Variants in PKP2 observed in about 807,000 individuals in gnomAD.
The protein encoded by PKP2 is plakophilin 2.
A neutral mutation model predicts 83.4 loss-of-function variants in PKP2; 73 were observed. The ratio of observed to expected loss-of-function variants is 0.88; its 90% CI spans 0.72 to 1.06. PKP2 has a LOEUF of 1.06. PKP2 is among the 50% of genes least tolerant of loss of function. The pLI is 0.00. For synonymous variants in PKP2, 409 were observed against 430.4 expected, an observed-to-expected ratio of 0.95 and a Z score of 0.62; for missense variants, 966 against 1,065.4, an observed-to-expected ratio of 0.91 and a Z score of 1.30.
intron 3 of PKP2, 145 bp downstream of exon 3, chr12:32,877,701 G>A: frequency 2.8e-6 from 2 of 719,660 alleles, no homozygotes; most frequent in African/African-American, 3.5e-5. Context: ...TGTCAATTAG[G>A]CAGCTGCCTG....
chr12:32,830,778 T>G (rs1362187450), intron 6 of PKP2, among the ~76,000 whole-genome samples: 2 of 152,020 alleles, frequency 1.3e-5, no homozygotes, highest in Non-Finnish European at 2.9e-5. Flanking sequence ...TAGTAGCGCA[T>G]GCCTGTAATC....
rs143846263 is a variant in PKP2, at chr12:32,882,365, C to A, written c.224-3333G>T. 2.7e-3 allele frequency among the ~76,000 whole-genome samples: 414 copies of A among 152,204 alleles called. 1 individual carries two copies. The highest frequency in any genetic ancestry group is 9.6e-3 in the African/African-American group (399 of 41,516). Reference sequence around the variant, plus strand: ...GGCAATTTTAGGAATTCAAGAAAAACTCTGTAAATCAGCCCCTTTAGCCCA... The same window carrying A: ...GGCAATTTTAGGAATTCAAGAAAAAATCTGTAAATCAGCCCCTTTAGCCCA... On this transcript the variant is annotated intron_variant, in intron 1 of 12. Transcript: ENST00000340811.
At chr12:32,881,983 C>T (rs571337910) in intron 1 of PKP2, among the ~76,000 whole-genome samples, 129 of 152,170 alleles carry the variant, frequency 8.5e-4, no homozygotes, top group African/African-American at 2.9e-3. Flanking sequence ...CTGAAGAGTC[C>T]GGGGGCCAGA....
chr12:32,845,477 G>A (rs1321817250), intron 5 of PKP2, among the ~76,000 whole-genome samples: 4 of 152,094 alleles, frequency 2.6e-5, no homozygotes, highest in Non-Finnish European at 5.9e-5. Context: ...GCGTGAACCC[G>A]GGAGGCGGAG....
chr12:32,883,969 T>C (rs1340182893), intron 1 of PKP2, among the ~76,000 whole-genome samples: 1 of 152,154 alleles, frequency 6.6e-6, no homozygotes. Flanking sequence ...GCAGACCATA[T>C]AAAATCAAGC....
chr12:32,821,962 T>A (rs1438083638), intron 8 of PKP2: 1 of 243,232 alleles, frequency 4.1e-6, no homozygotes, highest in African/African-American at 2.3e-5. Context: ...ACCACGATAC[T>A]CAGAGAAGGA....
intron 10 of PKP2, among the ~76,000 whole-genome samples, chr12:32,800,563 C>A (rs1956169873): frequency 6.6e-6 from 1 of 152,156 alleles, no homozygotes; most frequent in South Asian, 2.1e-4. Context: ...AGCTCTATGG[C>A]CTGAGCAAGC....
Position 32,888,651 on chromosome 12 carries a change from A to G in PKP2, c.223+7858T>C, listed in dbSNP as rs1323285681. On this transcript the variant is annotated intron_variant, in intron 1 of 12. Coordinates refer to ENST00000340811, the MANE Select transcript of PKP2 (RefSeq NM_001005242.3). ...ATTACAGGCATGCGCCACCACGCCC[A>G]GCTTATTTTTTCTGTACTTTTAGTA... Among the ~76,000 whole-genome samples the G allele has an allele frequency of 3.1e-5, 3 of 95,880 alleles. No homozygotes were observed. In the East Asian group the frequency reaches 6.8e-4, roughly 22 times the overall value. The allele number at this position is 95,880 out of a possible 152,430, so 62.9% of individuals were successfully genotyped here.
chr12:32,869,531 G>GGA (rs964523571), intron 3 of PKP2, among the ~76,000 whole-genome samples: 3 of 151,110 alleles, frequency 2.0e-5, no homozygotes, highest in African/African-American at 7.3e-5. Context: ...CCCAGGAGGT[G>GGA]GAGATTTCAG....
At chr12:32,795,812 T>C (rs1199244884) in intron 11 of PKP2, among the ~76,000 whole-genome samples, 2 of 152,208 alleles carry the variant, frequency 1.3e-5, no homozygotes, top group Non-Finnish European at 2.9e-5. Context: ...AGCTGTGGCT[T>C]TGGGAAACTA....
At chr12:32,863,271 C>A in intron 4 of PKP2, 1 of 260,580 alleles carries the variant, frequency 3.8e-6, no homozygotes. Context: ...CAAAGAACAA[C>A]ACGGTGACTC....
chr12:32,883,326 G>T lies in PKP2; in HGVS notation c.224-4294C>A, dbSNP rs141681156. ...CTAGGCAGTCATGAGTTTGAGATCA[G>T]TATGCTGGATTAAAGATGAATTAAT... On this transcript the variant is annotated intron_variant, in intron 1 of 12. Coordinates refer to ENST00000340811, the MANE Select transcript of PKP2 (RefSeq NM_001005242.3). Among the ~76,000 whole-genome samples the T allele has an allele frequency of 5.3e-5, 8 of 152,304 alleles. No individual in the cohort carries two copies. In the East Asian group the frequency reaches 1.5e-3, roughly 29 times the overall value.
intron 9 of PKP2, among the ~76,000 whole-genome samples, chr12:32,808,917 G>C (rs1956250877): frequency 6.6e-6 from 1 of 152,162 alleles, no homozygotes; most frequent in South Asian, 2.1e-4. Flanking sequence ...TCCATCCCAG[G>C]GTGGGTACTG....
chr12:32,861,315 G>C (rs1956795870), intron 4 of PKP2, among the ~76,000 whole-genome samples: 1 of 152,128 alleles, frequency 6.6e-6, no homozygotes, highest in Non-Finnish European at 1.5e-5. Context: ...AATTTTATCT[G>C]TCTTCCATAT....
At chr12:32,891,537 T>C (rs1445395952) in intron 1 of PKP2, among the ~76,000 whole-genome samples, 1 of 152,212 alleles carries the variant, frequency 6.6e-6, no homozygotes, top group Non-Finnish European at 1.5e-5. Flanking sequence ...GTAAAGTTGC[T>C]ATCTAAAACT....
chr12:32,840,115 C>T (rs1334846017), intron 6 of PKP2, among the ~76,000 whole-genome samples: 2 of 152,198 alleles, frequency 1.3e-5, no homozygotes, highest in African/African-American at 4.8e-5. Context: ...TTGCTGGGCC[C>T]AACCTTGAGT....
At chr12:32,819,392 TAA>T (rs893212587) in intron 9 of PKP2, among the ~76,000 whole-genome samples, 1 of 152,176 alleles carries the variant, frequency 6.6e-6, no homozygotes, top group African/African-American at 2.4e-5. Context: ...TTTTCTCTTA[TAA>T]ATCTCCAATC....
At chr12:32,795,940 T>A (rs1485711394) in intron 11 of PKP2, among the ~76,000 whole-genome samples, 169 bp downstream of exon 11, 1 of 152,192 alleles carries the variant, frequency 6.6e-6, no homozygotes, top group Non-Finnish European at 1.5e-5. Context: ...TTCAGTTCTT[T>A]CCTTGGCTGA....
chr12:32,799,791 G>C lies in PKP2; in HGVS notation c.2167+2612C>G, dbSNP rs146630256. 1.3e-4 allele frequency among the ~76,000 whole-genome samples: 20 copies of C among 152,268 alleles called. No individual in the cohort carries two copies. In the East Asian group the frequency reaches 3.1e-3, roughly 23 times the overall value. On this transcript the variant is annotated intron_variant, in intron 10 of 12. Coordinates refer to ENST00000340811, the MANE Select transcript of PKP2 (RefSeq NM_001005242.3). ...ATTTTGGGGACTTGGGGGAAAGGTA[G>C]GAAGGGGTGAGGGATAAAAGACTAC...
Sources: allele counts gnomAD v4.1 joint callset (sites outside exome capture counted in the v4.1 genomes callset), GRCh38; gene constraint gnomAD v4.1.1; transcripts MANE v1.5; gene names NCBI Gene and HGNC (gene_info 2026-07-23, HGNC 2026-07-21).